MAP6: variants seen among roughly 807,000 people sequenced by gnomAD.
The protein encoded by MAP6 is microtubule associated protein 6.
Under a neutral mutation model 42.4 loss-of-function variants are expected in MAP6, and 26 were observed. That is an observed-to-expected ratio of 0.61 (90% confidence interval 0.45 to 0.85). The LOEUF (loss-of-function observed/expected upper bound fraction) is 0.85, where lower values mean the gene tolerates loss of function less well. Among genes scored for constraint, MAP6 ranks in the 40% least tolerant of loss-of-function variants. The probability of loss-of-function intolerance (pLI) is 0.00; values close to 1 mark genes in which losing one functional copy is unlikely to be tolerated. For missense variants in MAP6, 966 were observed against 1,099.0 expected (o/e 0.88, Z 1.71); for synonymous variants, 418 against 443.8 (o/e 0.94, Z 0.73).
intron 2 of MAP6, 88 bp downstream of exon 2, chr11:75,608,021 G>A (rs1942811866): frequency 1.5e-6 from 2 of 1,337,384 alleles, no homozygotes; most frequent in African/African-American, 2.9e-5. Flanking sequence ...GGCTGGGCCA[G>A]ATTTGACAGC....
intron 3 of MAP6, chr11:75,603,594 G>T (rs1942704597): frequency 3.2e-6 from 2 of 620,240 alleles, no homozygotes; most frequent in African/African-American, 4.8e-5. Context: ...GGGGCAGTGA[G>T]TGGGGGCGGG....
At chr11:75,661,920 G>A (rs1343757378) in intron 1 of MAP6, among the ~76,000 whole-genome samples, 1 of 152,046 alleles carries the variant, frequency 6.6e-6, no homozygotes, top group Non-Finnish European at 1.5e-5. Flanking sequence ...GACAATCCAG[G>A]AAAGTCTACA....
intron 2 of MAP6, 134 bp from the exon 3 acceptor site, chr11:75,606,138 T>C: frequency 9.7e-7 from 1 of 1,033,616 alleles, no homozygotes; most frequent in African/African-American, 1.6e-5. Flanking sequence ...GCACAGTGCA[T>C]AAGGTGTTCC....
chr11:75,588,871 C>T (rs1048867035), intron 3 of MAP6, among the ~76,000 whole-genome samples: 14 of 152,176 alleles, frequency 9.2e-5, no homozygotes, highest in Admixed American at 2.6e-4. Flanking sequence ...TTTGTAGAGA[C>T]GGGGCCTCAC....
Position 75,667,530 on chromosome 11 carries a change from G to T in MAP6, c.840C>A (p.Ala280=). 1 of 1,497,180 alleles carries T rather than the reference G, an allele frequency of 6.7e-7. No individual in the cohort carries two copies. Among genetic ancestry groups the T allele is most frequent in the Admixed American group, 2.1e-5 (1 of 46,608 alleles). The allele number at this position is 1,497,180 out of a possible 1,614,324, so 92.7% of individuals were successfully genotyped here. ...ATGPEAGRGR[A]AADALNRQIR... is the part of the protein sequence containing the mutation. ...TTTGCCGGTTGAGGGCGTCCGCCGC[G>T]GCGCGCCCCCTGCCAGCCTCGGGGC... The change falls in exon 1 of 4, where the codon GCC becomes GCA. Residue 280 remains alanine, a synonymous_variant. Transcript: ENST00000304771. The surrounding 1 kb of genome is among the most constrained non-coding windows in gnomAD (Gnocchi z 5.6).
At chr11:75,589,102 C>T (rs183153639) in intron 3 of MAP6, among the ~76,000 whole-genome samples, 106 of 152,340 alleles carry the variant, frequency 7.0e-4, no homozygotes, top group African/African-American at 2.4e-3. Flanking sequence ...GATCCCCTAA[C>T]TCCATTCCCA....
At chr11:75,658,900 A>C (rs76103465) in intron 1 of MAP6, among the ~76,000 whole-genome samples, 5,547 of 152,262 alleles carry the variant, frequency 0.036, 133 homozygotes, top group South Asian at 0.057. Context: ...CAAATCAGGC[A>C]GACTTAACCC....
chr11:75,623,716 T>TA (rs1016847452), intron 1 of MAP6, among the ~76,000 whole-genome samples: 34 of 152,192 alleles, frequency 2.2e-4, no homozygotes, highest in Admixed American at 2.0e-3. Flanking sequence ...ACCTTTGTCT[T>TA]ACGTTTTTTT....
chr11:75,663,377 G>T (rs1447241645), intron 1 of MAP6, among the ~76,000 whole-genome samples: 1 of 152,070 alleles, frequency 6.6e-6, no homozygotes, highest in East Asian at 1.9e-4. Context: ...CTGGTACATG[G>T]CAGGGGCTTG....
intron 1 of MAP6, among the ~76,000 whole-genome samples, chr11:75,638,859 T>G (rs1943414992): frequency 6.6e-6 from 1 of 152,232 alleles, no homozygotes; most frequent in South Asian, 2.1e-4. Flanking sequence ...TGCTGCTGTT[T>G]ATCACAGCTC....
At chr11:75,613,644 G>A (rs1198739498) in intron 1 of MAP6, among the ~76,000 whole-genome samples, 1 of 152,202 alleles carries the variant, frequency 6.6e-6, no homozygotes, top group African/African-American at 2.4e-5. Context: ...GAGCCTTGAT[G>A]CATGACCTAT....
chr11:75,645,236 G>A (rs1016922307), intron 1 of MAP6, among the ~76,000 whole-genome samples: 1 of 152,046 alleles, frequency 6.6e-6, no homozygotes, highest in Non-Finnish European at 1.5e-5. Flanking sequence ...AATGGGGAGT[G>A]GGAACTGAAA....
At chr11:75,621,655 T>C (rs1943113557) in intron 1 of MAP6, among the ~76,000 whole-genome samples, 2 of 151,410 alleles carry the variant, frequency 1.3e-5, no homozygotes, top group Admixed American at 1.3e-4. Context: ...TAATCCATAA[T>C]AAAACAAGAA....
intron 1 of MAP6, among the ~76,000 whole-genome samples, chr11:75,630,986 T>C (rs1943276110): frequency 6.6e-6 from 1 of 152,236 alleles, no homozygotes; most frequent in African/African-American, 2.4e-5. Flanking sequence ...CAGAGGAGCA[T>C]ACTTTGAAAA....
intron 3 of MAP6, among the ~76,000 whole-genome samples, chr11:75,597,539 T>G (rs568886963): frequency 6.6e-6 from 1 of 152,360 alleles, no homozygotes; most frequent in East Asian, 1.9e-4. Flanking sequence ...ATTCTGCTAA[T>G]GACCCTTTTT....
intron 1 of MAP6, among the ~76,000 whole-genome samples, chr11:75,628,685 C>T (rs1943237309): frequency 6.6e-6 from 1 of 152,146 alleles, no homozygotes; most frequent in African/African-American, 2.4e-5. Flanking sequence ...CTGACATTTG[C>T]CAAGTTACAA....
intron 3 of MAP6, among the ~76,000 whole-genome samples, chr11:75,595,058 A>G (rs373695363): frequency 1.4e-3 from 206 of 152,358 alleles, no homozygotes; most frequent in African/African-American, 4.8e-3. Context: ...AAAGGTGCCC[A>G]GGGCTGGAAG....
chr11:75,652,700 AT>A (rs1246887122), intron 1 of MAP6, among the ~76,000 whole-genome samples: 1 of 151,914 alleles, frequency 6.6e-6, no homozygotes, highest in Non-Finnish European at 1.5e-5. Flanking sequence ...TTAGCCAGGC[AT>A]GGTGGCACGT....
intron 1 of MAP6, among the ~76,000 whole-genome samples, chr11:75,635,221 G>T (rs552418132): frequency 6.6e-6 from 1 of 152,170 alleles, no homozygotes; most frequent in Non-Finnish European, 1.5e-5. Flanking sequence ...AAACAGAGCC[G>T]GCCTGAAGTC....
Sources: gnomAD v4.1 joint callset for allele counts (sites outside exome capture counted in the v4.1 genomes callset) on GRCh38, gnomAD v4.1.1 for gene constraint, Gnocchi (gnomAD v3.1) non-coding constraint, MANE v1.5 for transcripts, NCBI Gene and HGNC (gene_info 2026-07-23, HGNC 2026-07-21) for gene names.